NELL1: variants seen among roughly 807,000 people sequenced by gnomAD.
NELL1 encodes the protein protein kinase C-binding protein NELL1.
In NELL1, 76 loss-of-function variants were observed where a neutral mutation model predicts 107.4. The ratio of observed to expected loss-of-function variants is 0.71; its 90% CI spans 0.59 to 0.86. The LOEUF is 0.86. Among genes scored for constraint, NELL1 ranks in the 40% least tolerant of loss-of-function variants. The pLI is 0.00. For synonymous variants in NELL1, 353 were observed against 341.2 expected, an observed-to-expected ratio of 1.03 and a Z score of -0.38; for missense variants, 1,024 against 1,005.5, an observed-to-expected ratio of 1.02 and a Z score of -0.25.
intron 3 of NELL1, among the ~76,000 whole-genome samples, chr11:20,840,289 T>C (rs187104296): frequency 6.6e-6 from 1 of 152,326 alleles, no homozygotes; most frequent in African/African-American, 2.4e-5. Context: ...TTTTTAAAGG[T>C]ATAATAAAAA....
chr11:21,197,879 C>A (rs897222763), intron 13 of NELL1, among the ~76,000 whole-genome samples: 3 of 152,142 alleles, frequency 2.0e-5, no homozygotes, highest in African/African-American at 7.2e-5. Context: ...GGATATCATC[C>A]TGATTGTATC....
At chr11:21,516,806 G>C (rs1370291519) in intron 15 of NELL1, among the ~76,000 whole-genome samples, 1 of 147,294 alleles carries the variant, frequency 6.8e-6, no homozygotes, top group East Asian at 2.0e-4. Flanking sequence ...ATTTGGCATT[G>C]GTATTTTTTT....
At chr11:21,171,858 G>T (rs1314401742) in intron 13 of NELL1, among the ~76,000 whole-genome samples, 1 of 151,732 alleles carries the variant, frequency 6.6e-6, no homozygotes, top group Non-Finnish European at 1.5e-5. Context: ...TAAATCAGTT[G>T]CCCTTAATTC....
At chr11:21,065,032 C>A (rs1183105218) in intron 12 of NELL1, among the ~76,000 whole-genome samples, 1 of 152,048 alleles carries the variant, frequency 6.6e-6, no homozygotes, top group African/African-American at 2.4e-5. Flanking sequence ...ATTGTGTAGA[C>A]AAATCAACAC....
intron 15 of NELL1, among the ~76,000 whole-genome samples, chr11:21,450,513 C>A (rs1199929722): frequency 1.3e-5 from 2 of 152,162 alleles, no homozygotes; most frequent in Non-Finnish European, 2.9e-5. Context: ...TATGATGATA[C>A]TAATTGCAAT....
At chr11:20,743,389 C>A (rs1266404677) in intron 2 of NELL1, among the ~76,000 whole-genome samples, 1 of 152,060 alleles carries the variant, frequency 6.6e-6, no homozygotes, top group Admixed American at 6.6e-5. Context: ...ACTTTTCTGA[C>A]TAAAACCTAT....
In NELL1 at chr11:21,028,847, A is replaced by G. The variant is rs7943204; in HGVS notation, c.1300+68287A>G. On this transcript the variant is annotated intron_variant, in intron 12 of 19. Transcript: ENST00000357134. ...GGGCAGTTTTTATTTCTCTTAATTT[A>G]AAAAGCTCTCAAGTTATTATTATTT... Among the ~76,000 whole-genome samples the G allele has an allele frequency of 7.1e-3, 1,081 of 152,298 alleles. 6 individuals carry two copies. Among genetic ancestry groups the G allele is most frequent in the Middle Eastern group, 0.014 (4 of 294 alleles).
chr11:21,160,566 T>A (rs1856341053), intron 13 of NELL1, among the ~76,000 whole-genome samples: 1 of 152,248 alleles, frequency 6.6e-6, no homozygotes, highest in African/African-American at 2.4e-5. Context: ...TGTATTTTTC[T>A]GATATTCTAC....
At chr11:21,548,562 C>T (rs918990981) in intron 16 of NELL1, among the ~76,000 whole-genome samples, 10 of 151,844 alleles carry the variant, frequency 6.6e-5, no homozygotes, top group African/African-American at 2.4e-4. Flanking sequence ...CTATTCACTA[C>T]CATGAGAACA....
chr11:21,381,904 A>ATTTTTTTTTTTTTTTTTTTTTTTTTTTTT (rs149327802), intron 15 of NELL1, among the ~76,000 whole-genome samples: 2 of 91,356 alleles, frequency 2.2e-5, no homozygotes, highest in African/African-American at 8.9e-5. Context: ...CCTGGAAGGG[A>ATTTTTTTTTTTTTTTTTTTTTTTTTTTTT]TTTTTTTTTT....
At chr11:21,039,688 A>G (rs952467626) in intron 12 of NELL1, among the ~76,000 whole-genome samples, 1 of 152,204 alleles carries the variant, frequency 6.6e-6, no homozygotes, top group Non-Finnish European at 1.5e-5. Flanking sequence ...GTATAAAACA[A>G]AAAGGTGCAA....
intron 14 of NELL1, among the ~76,000 whole-genome samples, chr11:21,362,337 A>G (rs773101276): frequency 2.0e-5 from 3 of 152,110 alleles, no homozygotes; most frequent in African/African-American, 4.8e-5. Flanking sequence ...AAGTCCTGTG[A>G]TGTAATCGGT....
At chr11:21,482,073 A>C (rs1854507834) in intron 15 of NELL1, among the ~76,000 whole-genome samples, 1 of 152,314 alleles carries the variant, frequency 6.6e-6, no homozygotes, top group South Asian at 2.1e-4. Context: ...ACTTTGGATA[A>C]ATTTAAGCAA....
At chr11:21,060,168 C>A (rs907645024) in intron 12 of NELL1, among the ~76,000 whole-genome samples, 1 of 152,142 alleles carries the variant, frequency 6.6e-6, no homozygotes, top group Non-Finnish European at 1.5e-5. Flanking sequence ...TGTAGCCTCA[C>A]TTGGCACAGC....
intron 15 of NELL1, among the ~76,000 whole-genome samples, chr11:21,483,080 T>C (rs950592480): frequency 2.6e-5 from 4 of 152,102 alleles, no homozygotes; most frequent in Non-Finnish European, 5.9e-5. Flanking sequence ...ATCTTAATAG[T>C]ATAAGAGTGC....
intron 4 of NELL1, 61 bp downstream of exon 4, chr11:20,847,814 G>A: frequency 1.3e-6 from 2 of 1,486,180 alleles, no homozygotes; most frequent in East Asian, 2.5e-5. Context: ...TGGAAAAGGG[G>A]AAAAAATATC....
rs1283546864 is a variant in NELL1, at chr11:21,489,393, A to G, written c.1646-44981A>G. On this transcript the variant is annotated intron_variant, in intron 15 of 19. Coordinates refer to ENST00000357134, the MANE Select transcript of NELL1 (RefSeq NM_006157.5). ...CTGAAAGTATTTCAAAAAAAAAAAA[A>G]AAAAAAAAAAAAAAACAGAAGAAAA... Among the ~76,000 whole-genome samples the G allele has an allele frequency of 1.4e-5, 2 of 143,990 alleles. 1 individual carries two copies. The highest frequency in any genetic ancestry group is 3.1e-5 in the Non-Finnish European group (2 of 64,662). 94.5% of individuals were successfully genotyped at this position (143,990 alleles called of 152,430 possible). A position where few individuals can be genotyped will look rare whatever the true frequency, so the allele number is the denominator to read the frequency against.
chr11:21,244,824 G>GC, intron 14 of NELL1, among the ~76,000 whole-genome samples: 1 of 152,284 alleles, frequency 6.6e-6, no homozygotes, highest in South Asian at 2.1e-4. Flanking sequence ...GAGCTAGACT[G>GC]CTTGGTTGGA....
At position 20,982,551 on chromosome 11, in the gene NELL1, C is replaced by T. The variant is rs185675391; in HGVS notation, c.1300+21991C>T. ...TTCAATGGTAGTAATGATGTTCATC[C>T]GCTATGAGATGCCACAGTGCTTGTA... is the stretch of plus-strand genomic sequence containing the variant. On this transcript the variant is annotated intron_variant, in intron 12 of 19. Coordinates refer to ENST00000357134, the MANE Select transcript of NELL1 (RefSeq NM_006157.5). Among the ~76,000 whole-genome samples the T allele has an allele frequency of 7.9e-5, 12 of 152,256 alleles. No individual in the cohort carries two copies. In the East Asian group the frequency reaches 1.5e-3, roughly 20 times the overall value.
Sources: allele counts gnomAD v4.1 joint callset (sites outside exome capture counted in the v4.1 genomes callset), GRCh38; gene constraint gnomAD v4.1.1; transcripts MANE v1.5; gene names NCBI Gene and HGNC (gene_info 2026-07-23, HGNC 2026-07-21).